Variants in FGF13 observed in about 807,000 individuals in gnomAD.
FGF13 encodes fibroblast growth factor homologous factor 2.
FGF13 carries 2 observed loss-of-function variants against 19.5 expected under a neutral mutation model. The observed-to-expected ratio is 0.10, with a 90% CI of 0.04 to 0.32. The LOEUF is 0.32. FGF13 is among the 10% of genes least tolerant of loss of function. FGF13 has a pLI of 1.00. For missense variants in FGF13, 113 were observed against 192.7 expected, an observed-to-expected ratio of 0.59 and a Z score of 2.45; for synonymous variants, 72 against 76.9, an observed-to-expected ratio of 0.94 and a Z score of 0.33.
chrX:138,858,415 T>G (rs1325733349), intron 2 of FGF13, among the ~76,000 whole-genome samples: 1 of 112,088 alleles, frequency 8.9e-6, no homozygotes, highest in African/African-American at 3.2e-5. Flanking sequence ...TCACTAGTGT[T>G]TTTGTATCAC....
chrX:138,972,945 G>T (rs1387483409), intron 1 of FGF13, among the ~76,000 whole-genome samples: 1 of 109,980 alleles, frequency 9.1e-6, no homozygotes, highest in East Asian at 2.9e-4. Context: ...TGTCAGTTTT[G>T]TTTAGTTTTT....
At chrX:138,908,183 G>A (rs2091568539) in intron 1 of FGF13, among the ~76,000 whole-genome samples, 1 of 103,944 alleles carries the variant, frequency 9.6e-6, no homozygotes, top group East Asian at 3.0e-4. Flanking sequence ...CCATTCTCCT[G>A]CCTCAGCCTC....
chrX:138,812,569 C>G (rs948585480), intron 3 of FGF13, among the ~76,000 whole-genome samples: 3 of 111,250 alleles, frequency 2.7e-5, no homozygotes, highest in African/African-American at 9.8e-5. Flanking sequence ...CACTTCCTAC[C>G]TCTCCATTCC....
intron 1 of FGF13, among the ~76,000 whole-genome samples, chrX:139,014,332 A>C (rs1293290468): frequency 9.0e-6 from 1 of 111,581 alleles, no homozygotes; most frequent in East Asian, 2.8e-4. Flanking sequence ...TGGTGTTTTG[A>C]AAAGACAGAC....
intron 1 of FGF13, among the ~76,000 whole-genome samples, chrX:138,921,096 T>C (rs2091642391): frequency 8.9e-6 from 1 of 111,835 alleles, no homozygotes; most frequent in Non-Finnish European, 1.9e-5. Context: ...TAAAATAATC[T>C]ATGTAAAAGT....
intron 1 of FGF13, among the ~76,000 whole-genome samples, chrX:139,085,487 A>G (rs1470619900): frequency 1.8e-5 from 2 of 112,358 alleles, no homozygotes; most frequent in African/African-American, 6.5e-5. Flanking sequence ...AAATGAAATG[A>G]TGGGTGTGGG....
intron 1 of FGF13, among the ~76,000 whole-genome samples, chrX:138,896,340 A>C (rs1035367181): frequency 3.6e-5 from 4 of 111,470 alleles, no homozygotes; most frequent in Non-Finnish European, 5.6e-5. Flanking sequence ...AATATACTTG[A>C]GATAAATACT....
At chrX:138,702,602 G>A (rs184750574) in intron 3 of FGF13, among the ~76,000 whole-genome samples, 21 of 112,091 alleles carry the variant, frequency 1.9e-4, no homozygotes, top group Admixed American at 1.8e-3. Context: ...GCTGATCTGA[G>A]GGAGAGATCT....
In FGF13 at chrX:138,812,794, G is replaced by C. The variant is rs754824371; in HGVS notation, c.217+44718C>G. 4.5e-5 allele frequency among the ~76,000 whole-genome samples: 5 copies of C among 111,000 alleles called. No homozygotes were observed. The South Asian group carries it at 1.9e-3, about 43-fold the overall frequency. On this transcript the variant is annotated intron_variant, in intron 3 of 6. Transcript: ENST00000436198. ...TTCCAGGTTTGTTACATAGGTATAC[G>C]TGTGCCATGGTGTTTTGCTGTACCT...
intron 1 of FGF13, among the ~76,000 whole-genome samples, chrX:138,901,104 C>T (rs768829491): frequency 2.7e-5 from 3 of 112,096 alleles, no homozygotes; most frequent in East Asian, 5.6e-4. Context: ...ATTCTGTCTC[C>T]TCACTTTGGC....
At chrX:138,857,488 AAC>A, downstream of FGF13, 1 of 1,153,952 alleles carries the variant, frequency 8.7e-7, no homozygotes, top group Non-Finnish European at 1.2e-6. Context: ...AAACAAGCAA[AAC>A]ACGCGTCTGT....
chrX:138,825,909 T>C (rs977832064), intron 3 of FGF13, among the ~76,000 whole-genome samples: 1 of 111,045 alleles, frequency 9.0e-6, no homozygotes, highest in Non-Finnish European at 1.9e-5. Context: ...CACCCTAGGA[T>C]GGTTAATTAC....
chrX:138,665,519 T>G (rs1490970724), intron 3 of FGF13, among the ~76,000 whole-genome samples: 5 of 111,564 alleles, frequency 4.5e-5, no homozygotes, highest in Non-Finnish European at 7.5e-5. Flanking sequence ...CTGCAATATA[T>G]CTTTCTGGCT....
At chrX:138,772,539 T>G (rs967225746) in intron 3 of FGF13, among the ~76,000 whole-genome samples, 1 of 111,736 alleles carries the variant, frequency 8.9e-6, no homozygotes, top group African/African-American at 3.3e-5. Flanking sequence ...ATGTGAGTTC[T>G]TCAATCCATG....
At chrX:138,879,108 C>T (rs772171857) in intron 1 of FGF13, among the ~76,000 whole-genome samples, 22 of 110,727 alleles carry the variant, frequency 2.0e-4, no homozygotes, top group African/African-American at 7.2e-4. Flanking sequence ...ATTTGCTTTG[C>T]CCTAATGATT....
At chrX:138,692,922 A>G (rs2089854076) in intron 3 of FGF13, among the ~76,000 whole-genome samples, 1 of 111,168 alleles carries the variant, frequency 9.0e-6, no homozygotes, top group South Asian at 3.7e-4. Flanking sequence ...TTTTTTGTCA[A>G]CTTGGCCTCA....
intron 3 of FGF13, among the ~76,000 whole-genome samples, chrX:138,697,788 T>G (rs1019984781): frequency 8.9e-6 from 1 of 111,733 alleles, no homozygotes; most frequent in African/African-American, 3.2e-5. Context: ...TTATTTCTTA[T>G]TAAAGTAGAC....
chrX:139,017,076 A>G (rs867530945), intron 1 of FGF13, among the ~76,000 whole-genome samples: 6 of 40,509 alleles, frequency 1.5e-4, no homozygotes, highest in African/African-American at 1.4e-4. Context: ...ACACATATAC[A>G]TGTGTGTATA....
chrX:139,063,644 T>C (rs901817442), intron 1 of FGF13, among the ~76,000 whole-genome samples: 1 of 111,974 alleles, frequency 8.9e-6, no homozygotes, highest in Non-Finnish European at 1.9e-5. Context: ...AATAAGGTTT[T>C]GTTTTCTCCT....
Sources: gnomAD v4.1 joint callset for allele counts (sites outside exome capture counted in the v4.1 genomes callset) on GRCh38, gnomAD v4.1.1 for gene constraint, MANE v1.5 for transcripts, NCBI Gene and HGNC (gene_info 2026-07-23, HGNC 2026-07-21) for gene names.